The following KLRG1 variants were observed in gnomAD, a reference collection of about 807,000 sequenced individuals.
KLRG1 encodes the protein killer cell lectin like receptor G1, also known as killer cell lectin-like receptor subfamily G member 1.
A neutral mutation model predicts 21.8 loss-of-function variants in KLRG1; 16 were observed. That is an observed-to-expected ratio of 0.73 (90% CI 0.50 to 1.11). The LOEUF is 1.11. KLRG1 is among the 50% of genes most tolerant of loss of function. KLRG1 has a pLI of 0.00. For missense variants in KLRG1, 173 were observed against 218.3 expected (o/e 0.79, Z 1.31); for synonymous variants, 69 against 75.9 (o/e 0.91, Z 0.47).
the KLRG1 span, among the ~76,000 whole-genome samples, chr12:9,071,425 G>GAAAA: frequency 6.9e-4 from 104 of 151,360 alleles, 1 homozygote; most frequent in African/African-American, 2.5e-3. Context: ...CAAATTAAAT[G>GAAAA]AAAAAAATAT....
chr12:8,969,080 G>C (rs1325403623), intron 1 of KLRG1, among the ~76,000 whole-genome samples: 2 of 152,146 alleles, frequency 1.3e-5, no homozygotes, highest in Non-Finnish European at 2.9e-5. Flanking sequence ...CCTTGGACAG[G>C]GTAGGACAGG....
the KLRG1 span, among the ~76,000 whole-genome samples, chr12:9,094,611 A>T: frequency 6.6e-6 from 1 of 152,132 alleles, no homozygotes; most frequent in East Asian, 1.9e-4. Flanking sequence ...TTCATCAAAG[A>T]AGTAGCTCAT....
intron 1 of KLRG1, among the ~76,000 whole-genome samples, chr12:8,982,637 A>G (rs1396615165): frequency 6.6e-6 from 1 of 151,432 alleles, no homozygotes; most frequent in Admixed American, 6.6e-5. Context: ...GCCAGAACAG[A>G]CAATATCTTT....
chr12:9,210,422 G>A, the KLRG1 span, among the ~76,000 whole-genome samples: 5 of 152,252 alleles, frequency 3.3e-5, no homozygotes, highest in South Asian at 1.0e-3. Context: ...TTGGACTCTA[G>A]ACGCTGCAAT....
the KLRG1 span, chr12:9,181,850 A>T: frequency 7.5e-6 from 8 of 1,068,690 alleles, no homozygotes; most frequent in African/African-American, 8.1e-5. Flanking sequence ...GTCTGCCATA[A>T]ACTTGTTGGG....
chr12:9,194,442 A>G, the KLRG1 span, among the ~76,000 whole-genome samples: 1 of 147,762 alleles, frequency 6.8e-6, no homozygotes, highest in Admixed American at 6.8e-5. Flanking sequence ...ACTTTGTAGT[A>G]TTTCCAGTAA....
At chr12:8,995,686 C>CTTT (rs34680435) in intron 3 of KLRG1, among the ~76,000 whole-genome samples, 1 of 141,492 alleles carries the variant, frequency 7.1e-6, no homozygotes. Flanking sequence ...GCAGCAGATT[C>CTTT]TTTTTTTTTT....
the KLRG1 span, among the ~76,000 whole-genome samples, chr12:9,047,577 T>C: frequency 1.3e-5 from 2 of 152,182 alleles, no homozygotes; most frequent in African/African-American, 4.8e-5. Context: ...AATTAGAATG[T>C]GAATAGTCTA....
At chr12:9,196,603 C>A in the KLRG1 span, 3 of 1,612,986 alleles carry the variant, frequency 1.9e-6, no homozygotes, top group Non-Finnish European at 1.7e-6. Context: ...GGCTTCCACT[C>A]TAAGCTTCAT....
At chr12:9,081,445 C>A in the KLRG1 span, among the ~76,000 whole-genome samples, 13 of 152,246 alleles carry the variant, frequency 8.5e-5, no homozygotes, top group South Asian at 2.7e-3. Context: ...CAGAATAAAG[C>A]AAGATGATGG....
At chr12:9,084,053 A>G in the KLRG1 span, among the ~76,000 whole-genome samples, 2 of 152,158 alleles carry the variant, frequency 1.3e-5, no homozygotes, top group East Asian at 3.9e-4. Flanking sequence ...GGAAAACAAA[A>G]ATAAAAACAA....
the KLRG1 span, chr12:9,074,914 T>C: frequency 7.1e-6 from 7 of 984,020 alleles, no homozygotes; most frequent in East Asian, 1.8e-4. Context: ...TGTAGATGCT[T>C]TTCCCTTCAT....
the KLRG1 span, among the ~76,000 whole-genome samples, chr12:9,098,949 A>G: frequency 6.6e-6 from 1 of 152,224 alleles, no homozygotes; most frequent in Admixed American, 6.5e-5. Context: ...CACTTGAGCC[A>G]GTAGAATTAT....
chr12:9,192,757 C>G, the KLRG1 span: 1 of 1,529,824 alleles, frequency 6.5e-7, no homozygotes, highest in Non-Finnish European at 9.0e-7. Context: ...AACAGAAAAG[C>G]AAAGAAAGAA....
the KLRG1 span, among the ~76,000 whole-genome samples, chr12:9,059,210 A>T: frequency 1.3e-5 from 2 of 152,206 alleles, no homozygotes; most frequent in Non-Finnish European, 2.9e-5. Context: ...ACTGCCATTC[A>T]TCTCAGCTTT....
chr12:9,186,210 G>T, the KLRG1 span, among the ~76,000 whole-genome samples: 1 of 152,166 alleles, frequency 6.6e-6, no homozygotes. Context: ...AGGAAATGCT[G>T]AGGGAATTTG....
the KLRG1 span, among the ~76,000 whole-genome samples, chr12:9,144,660 G>A: frequency 6.6e-6 from 1 of 152,322 alleles, no homozygotes; most frequent in Non-Finnish European, 1.5e-5. Flanking sequence ...GAGTATTTAA[G>A]GGTTTTAGGG....
At chr12:9,067,663 G>A in the KLRG1 span, 2 of 732,992 alleles carry the variant, frequency 2.7e-6, no homozygotes, top group Non-Finnish European at 4.9e-6. Context: ...GGAATCATAT[G>A]GAAATGTACA....
At chr12:9,192,150 A>T in the KLRG1 span, 81 of 1,513,160 alleles carry the variant, frequency 5.4e-5, no homozygotes, top group Non-Finnish European at 7.0e-5. Flanking sequence ...AAGGGTAAGG[A>T]TGTGTTAGGG....
Sources: allele counts gnomAD v4.1 joint callset (sites outside exome capture counted in the v4.1 genomes callset), GRCh38; gene constraint gnomAD v4.1.1; transcripts MANE v1.5; gene names NCBI Gene and HGNC (gene_info 2026-07-23, HGNC 2026-07-21).